The following EPB41L4B variants were observed in gnomAD, a reference collection of about 807,000 sequenced individuals.
EPB41L4B encodes the protein band 4.1-like protein 4B.
EPB41L4B carries 30 observed loss-of-function variants against 112.5 expected under a neutral mutation model. The ratio of observed to expected loss-of-function variants is 0.27; its 90% CI spans 0.20 to 0.36. The LOEUF (loss-of-function observed/expected upper bound fraction) is 0.36, where lower values mean the gene tolerates loss of function less well. EPB41L4B is among the 10% of genes least tolerant of loss of function. The pLI is 1.00. For synonymous variants in EPB41L4B, 408 were observed against 439.7 expected, an observed-to-expected ratio of 0.93 and a Z score of 0.90; for missense variants, 1,024 against 1,133.3, an observed-to-expected ratio of 0.90 and a Z score of 1.38.
intron 22 of EPB41L4B, among the ~76,000 whole-genome samples, chr9:109,189,556 T>C (rs747228931): frequency 2.0e-5 from 3 of 152,206 alleles, no homozygotes; most frequent in Non-Finnish European, 2.9e-5. Flanking sequence ...TGAAAACCAC[T>C]CTACACAGAG....
intron 13 of EPB41L4B, among the ~76,000 whole-genome samples, chr9:109,250,186 C>T (rs554198549): frequency 3.5e-4 from 53 of 152,274 alleles, no homozygotes; most frequent in African/African-American, 1.1e-3. Context: ...ACTGATCTAG[C>T]CCAACCTCCT....
chr9:109,280,117 A>T (rs1171739934), intron 1 of EPB41L4B, among the ~76,000 whole-genome samples, 196 bp from the exon 2 acceptor site: 2 of 152,250 alleles, frequency 1.3e-5, no homozygotes, highest in Non-Finnish European at 2.9e-5. Flanking sequence ...ATAATAGCAT[A>T]AAGTTAAGAA....
intron 1 of EPB41L4B, among the ~76,000 whole-genome samples, chr9:109,309,755 CAG>C (rs34950010): frequency 0.096 from 13,523 of 141,600 alleles, 611 homozygotes; most frequent in East Asian, 0.17. Context: ...AATACACACA[CAG>C]AGAGAGAGAG....
chr9:109,197,466 GC>G (rs1414082815), intron 20 of EPB41L4B, among the ~76,000 whole-genome samples: 1 of 151,724 alleles, frequency 6.6e-6, no homozygotes, highest in African/African-American at 2.4e-5. Context: ...GGGCAAATGA[GC>G]GGTAGCCAGC....
intron 15 of EPB41L4B, chr9:109,240,243 G>C (rs1834306005): frequency 1.3e-5 from 13 of 985,384 alleles, no homozygotes; most frequent in Non-Finnish European, 1.6e-5. Context: ...ACATTTATTT[G>C]TATGCAGCAC....
chr9:109,272,447 A>G (rs890265398), intron 2 of EPB41L4B, among the ~76,000 whole-genome samples: 6 of 148,254 alleles, frequency 4.0e-5, no homozygotes, highest in Admixed American at 1.3e-4. Context: ...GGGTGACAAT[A>G]AGACCCTGTG....
At chr9:109,177,829 A>C (rs1030836059) in intron 24 of EPB41L4B, among the ~76,000 whole-genome samples, 9 of 151,916 alleles carry the variant, frequency 5.9e-5, no homozygotes, top group African/African-American at 1.7e-4. Flanking sequence ...TCAAAAAAAA[A>C]AAAAAGTAGA....
At chr9:109,236,291 G>A (rs1410892058) in intron 15 of EPB41L4B, among the ~76,000 whole-genome samples, 1 of 152,084 alleles carries the variant, frequency 6.6e-6, no homozygotes, top group Non-Finnish European at 1.5e-5. Flanking sequence ...GCCATATAAA[G>A]AACCACTAGA....
At position 109,265,000 on chromosome 9, in the gene EPB41L4B, C is replaced by A. The variant is rs764071712; in HGVS notation, c.558G>T (p.Arg186Ser). 6.8e-6 allele frequency: 11 copies of A among 1,608,180 alleles called. No individual in the cohort carries two copies. In the East Asian group the frequency reaches 2.2e-4, roughly 33 times the overall value. ...CTTACTTTCCAGAAAGAATGTCATG[C>A]CTGAGTTGTAAAACAAACAGGTACC... is the stretch of plus-strand genomic sequence containing the variant. ...FTRYLFVLQL[R>S]HDILSGKLKC... Residue 186 changes from arginine (R) to serine (S), a missense_variant, in exon 5 of 26, where the codon AGG (arginine) becomes AGT (serine). Physicochemically the swap from Arg to Ser is moderately radical, Grantham distance 110. Coordinates refer to ENST00000374566, the MANE Select transcript of EPB41L4B (RefSeq NM_019114.5).
rs1227589235 is a variant in EPB41L4B at position 109,176,577 on chromosome 9, G to A, written c.2607C>T (p.Thr869=). Reference sequence around the variant, plus strand: ...TGGCTGCCAGAGAAACAGGTTTCCGGGTGGTGTAAATGGTCTGCACTGTGG... The same window carrying A: ...TGGCTGCCAGAGAAACAGGTTTCCGAGTGGTGTAAATGGTCTGCACTGTGG... ...TVSTVQTIYT[T]RKPVSLAASA... is the part of the protein sequence containing the mutation. The change falls in exon 25 of 26, where the codon ACC becomes ACT. Residue 869 remains threonine (T), a synonymous_variant. Transcript: ENST00000374566. The A allele has an allele frequency of 6.2e-7, 1 of 1,610,862 alleles. No individual in the cohort carries two copies. The highest frequency in any genetic ancestry group is 2.2e-5 in the East Asian group (1 of 44,826).
intron 15 of EPB41L4B, among the ~76,000 whole-genome samples, chr9:109,231,023 G>T (rs180711559): frequency 2.0e-5 from 3 of 152,244 alleles, no homozygotes; most frequent in Non-Finnish European, 4.4e-5. Context: ...GCTGGGCATA[G>T]TGGTGCACGC....
At chr9:109,237,130 T>C (rs1834173316) in intron 15 of EPB41L4B, among the ~76,000 whole-genome samples, 1 of 152,232 alleles carries the variant, frequency 6.6e-6, no homozygotes, top group South Asian at 2.1e-4. Flanking sequence ...GTCGCTGACC[T>C]GGAAGGATGG....
chr9:109,258,128 T>G, intron 7 of EPB41L4B, 49 bp downstream of exon 7: 1 of 1,578,932 alleles, frequency 6.3e-7, no homozygotes, highest in Non-Finnish European at 8.6e-7. Context: ...CAACACTTAT[T>G]TATGACAAAA....
At position 109,320,366 on chromosome 9, in the gene EPB41L4B, G is replaced by A. The variant is rs559872260; in HGVS notation, c.81C>T (p.Ala27=). The A allele has an allele frequency of 2.0e-3, 1,945 of 981,450 alleles. 4 individuals carry two copies. The highest frequency in any genetic ancestry group is 2.2e-3 in the Non-Finnish European group (1,834 of 828,836). 60.8% of individuals were successfully genotyped at this position (981,450 alleles called of 1,614,324 possible). A position where few individuals can be genotyped will look rare whatever the true frequency, so the allele number is the denominator to read the frequency against. Residue 27 remains alanine, a synonymous_variant, in exon 1 of 26, where the codon GCC becomes GCT. Transcript: ENST00000374566. The part of the protein sequence containing the change: ...YARGAAGRGA[A]GLGDERDGGP... ...CCCCATCGCGCTCGTCCCCCAGCCC[G>A]GCGGCCCCGCGCCCCGCCGCGCCCC... is the stretch of plus-strand genomic sequence containing the variant.
intron 18 of EPB41L4B, among the ~76,000 whole-genome samples, chr9:109,205,717 T>G (rs1056744754): frequency 6.6e-6 from 1 of 152,178 alleles, no homozygotes; most frequent in Non-Finnish European, 1.5e-5. Context: ...TGTCAATACC[T>G]CTGCAGTGGT....
rs980819233 is a variant in EPB41L4B at position 109,173,820 on chromosome 9, G to C, written c.*734C>G. ...AGATTCTATCAATACGACATGAATCGATCAACTTTAGAAATAATTTTCTGA... is the reference window on the plus strand; with the variant it reads ...AGATTCTATCAATACGACATGAATCCATCAACTTTAGAAATAATTTTCTGA... On this transcript the variant is annotated 3_prime_UTR_variant, in exon 26 of 26. Transcript: ENST00000374566. 2 of 152,488 alleles carry C rather than the reference G, an allele frequency of 1.3e-5. No individual in the cohort carries two copies. Among genetic ancestry groups the C allele is most frequent in the African/African-American group, 4.8e-5 (2 of 41,448 alleles). 9.4% of individuals were successfully genotyped at this position (152,488 alleles called of 1,614,324 possible).
chr9:109,178,767 G>GA (rs543654496), intron 24 of EPB41L4B, among the ~76,000 whole-genome samples: 121 of 151,308 alleles, frequency 8.0e-4, no homozygotes, highest in African/African-American at 2.8e-3. Context: ...TATTCTTTCT[G>GA]AAAAAAGAGG....
In EPB41L4B at chr9:109,226,607, C is replaced by CATATATATATATATATAT. The variant is rs3081622; in HGVS notation, c.1410-9480_1410-9463dup. Among the ~76,000 whole-genome samples the CATATATATATATATATAT allele has an allele frequency of 2.1e-4, 19 of 90,824 alleles. 1 individual carries two copies. Among genetic ancestry groups the CATATATATATATATATAT allele is most frequent in the African/African-American group, 8.1e-4 (19 of 23,356 alleles). 59.6% of individuals were successfully genotyped at this position (90,824 alleles called of 152,430 possible). A position where few individuals can be genotyped will look rare whatever the true frequency, so the allele number is the denominator to read the frequency against. On this transcript the variant is annotated intron_variant, in intron 15 of 25. Transcript: ENST00000374566. ...AATCAAAACCTCTCTTTGGATTTTT[C>CATATATATATATATATAT]ATATATATATATATATATATATGAA...
At chr9:109,239,561 T>C (rs928759145) in intron 15 of EPB41L4B, among the ~76,000 whole-genome samples, 6 of 151,998 alleles carry the variant, frequency 3.9e-5, no homozygotes, top group South Asian at 2.1e-4. Flanking sequence ...CAACAGGTAA[T>C]AGGATGGCAG....
Sources: gnomAD v4.1 joint callset for allele counts (sites outside exome capture counted in the v4.1 genomes callset) on GRCh38, gnomAD v4.1.1 for gene constraint, MANE v1.5 for transcripts, NCBI Gene and HGNC (gene_info 2026-07-23, HGNC 2026-07-21) for gene names.